Variants in CALD1 observed in about 807,000 individuals in gnomAD.
The protein encoded by CALD1 is caldesmon 1.
CALD1 carries 33 observed loss-of-function variants against 99.9 expected under a neutral mutation model. The observed-to-expected ratio is 0.33, with a 90% CI of 0.25 to 0.44. The LOEUF is 0.44. CALD1 is among the 20% of genes least tolerant of loss of function. The pLI, the probability that CALD1 is intolerant of heterozygous loss-of-function variation, is 1.00. For synonymous variants in CALD1, 310 were observed against 325.0 expected (o/e 0.95, Z 0.50); for missense variants, 861 against 962.1 (o/e 0.89, Z 1.39).
intron 14 of CALD1, among the ~76,000 whole-genome samples, chr7:134,968,135 A>C (rs771806282): frequency 1.2e-4 from 19 of 152,194 alleles, no homozygotes; most frequent in Non-Finnish European, 2.6e-4. Flanking sequence ...TGACAGAGCA[A>C]GATTCCATCT....
chr7:134,854,369 C>T (rs991739633), intron 2 of CALD1, among the ~76,000 whole-genome samples: 4 of 152,200 alleles, frequency 2.6e-5, no homozygotes, highest in African/African-American at 7.2e-5. Context: ...TCCTCACCAG[C>T]ATCTGTTGTT....
rs78476965 is a variant in CALD1, at chr7:134,867,726, A to G, written c.-8A>G. 672 of 1,599,178 alleles carry G rather than the reference A, an allele frequency of 4.2e-4. 5 individuals carry two copies. In the African/African-American group the frequency reaches 8.4e-3, roughly 20 times the overall value. On this transcript the variant is annotated 5_prime_UTR_variant, in exon 3 of 15. Coordinates refer to ENST00000361675, the MANE Select transcript of CALD1 (RefSeq NM_033138.4). ...ATCATCTGGTCTCCCTGAACCTGAA[A>G]TCACACCATGGATGATTTTGAGCGT...
chr7:134,839,890 C>T (rs1261358248), intron 1 of CALD1, among the ~76,000 whole-genome samples: 2 of 152,042 alleles, frequency 1.3e-5, no homozygotes, highest in East Asian at 3.9e-4. Context: ...TTTAAATATC[C>T]TCTTTTGTGA....
intron 1 of CALD1, among the ~76,000 whole-genome samples, chr7:134,793,421 TTATC>T (rs1797620132): frequency 6.6e-6 from 1 of 152,220 alleles, no homozygotes; most frequent in Non-Finnish European, 1.5e-5. Flanking sequence ...CCTCCTCACT[TTATC>T]TGTCTTTGCT....
At chr7:134,778,120 A>G (rs1293010322), upstream of CALD1, among the ~76,000 whole-genome samples, 1 of 152,156 alleles carries the variant, frequency 6.6e-6, no homozygotes, top group Non-Finnish European at 1.5e-5. Flanking sequence ...AGCCTCAGCT[A>G]TAGTTTTTTG....
At chr7:134,734,221 A>G in the CALD1 span, among the ~76,000 whole-genome samples, 2 of 152,188 alleles carry the variant, frequency 1.3e-5, no homozygotes, top group East Asian at 3.9e-4. Flanking sequence ...TCCTATAAAG[A>G]ATTATTTCTT....
intron 3 of CALD1, among the ~76,000 whole-genome samples, chr7:134,909,199 G>A (rs1198020468): frequency 6.6e-6 from 1 of 152,146 alleles, no homozygotes; most frequent in East Asian, 1.9e-4. Context: ...TGATATGATC[G>A]AGAAGTTTAA....
chr7:134,740,889 C>A (rs1254288419), upstream of CALD1, among the ~76,000 whole-genome samples: 2 of 152,224 alleles, frequency 1.3e-5, no homozygotes, highest in African/African-American at 2.4e-5. Flanking sequence ...TGGATTCTTA[C>A]CATGTGCAAG....
Position 134,873,222 on chromosome 7 carries a change from C to CA in CALD1, c.71+5427dup, listed in dbSNP as rs71531836. On this transcript the variant is annotated intron_variant, in intron 3 of 14. Coordinates refer to ENST00000361675, the MANE Select transcript of CALD1 (RefSeq NM_033138.4). ...AACAAAACAAAAAAAACCCAAAAAA[C>CA]AAAAAAAAACACTATATTCTGCTTC... Among the ~76,000 whole-genome samples the CA allele has an allele frequency of 2.6e-3, 394 of 150,792 alleles. 4 individuals are homozygous for CA. The highest frequency in any genetic ancestry group is 7.6e-3 in the African/African-American group (311 of 41,092).
At chr7:134,771,743 C>T (rs1429734089) in intron 1 of CALD1, among the ~76,000 whole-genome samples, 1 of 152,210 alleles carries the variant, frequency 6.6e-6, no homozygotes, top group African/African-American at 2.4e-5. Context: ...TCACTCCTCC[C>T]CAAGTCCCCC....
intron 3 of CALD1, among the ~76,000 whole-genome samples, chr7:134,899,598 C>A (rs1476613349): frequency 6.6e-6 from 1 of 152,050 alleles, no homozygotes; most frequent in Non-Finnish European, 1.5e-5. Flanking sequence ...TGCATTAGCT[C>A]CCTGTGTCTT....
chr7:134,822,912 C>G (rs1173558564), intron 1 of CALD1, among the ~76,000 whole-genome samples: 2 of 152,174 alleles, frequency 1.3e-5, no homozygotes, highest in African/African-American at 4.8e-5. Context: ...TTTATCCCTG[C>G]CTCTCCACTG....
intron 7 of CALD1, among the ~76,000 whole-genome samples, chr7:134,946,662 T>A: frequency 6.6e-6 from 1 of 151,874 alleles, no homozygotes; most frequent in South Asian, 2.1e-4. Context: ...GGTAACAAGA[T>A]CTCCTTCCTT....
intron 3 of CALD1, among the ~76,000 whole-genome samples, chr7:134,913,532 T>G (rs1205060479): frequency 6.6e-6 from 1 of 152,252 alleles, no homozygotes; most frequent in Non-Finnish European, 1.5e-5. Context: ...TACATGTAAT[T>G]TATAAATGAC....
chr7:134,887,379 G>C lies in CALD1; in HGVS notation c.71+19575G>C, dbSNP rs1003029005. Among the ~76,000 whole-genome samples the C allele has an allele frequency of 4.0e-4, 61 of 152,302 alleles. 1 individual carries two copies. Among genetic ancestry groups the C allele is most frequent in the Middle Eastern group, 6.8e-3 (2 of 294 alleles). On this transcript the variant is annotated intron_variant, in intron 3 of 14. Transcript: ENST00000361675. ...CTTTACCTACATTCCTGTTCACCTT[G>C]GGGTGGGGGAACAGCTGTCTAGGCA... is the stretch of plus-strand genomic sequence containing the variant.
chr7:134,787,231 A>G (rs1296402970), intron 1 of CALD1, among the ~76,000 whole-genome samples: 5 of 152,148 alleles, frequency 3.3e-5, no homozygotes, highest in Non-Finnish European at 5.9e-5. Context: ...TCAACCCTGT[A>G]AGGTCAAATT....
chr7:134,863,548 C>T (rs1800658111), intron 2 of CALD1, among the ~76,000 whole-genome samples: 1 of 152,224 alleles, frequency 6.6e-6, no homozygotes, highest in Non-Finnish European at 1.5e-5. Context: ...CACAGGTGAG[C>T]ATACCCACAC....
In CALD1 at chr7:134,959,895, T is replaced by C. The variant is rs1584681738; in HGVS notation, c.2062-79T>C. The C allele has an allele frequency of 5.5e-6, 8 of 1,454,712 alleles. 1 individual carries two copies. The East Asian group carries it at 1.1e-4, about 21-fold the overall frequency. 90.1% of individuals were successfully genotyped at this position (1,454,712 alleles called of 1,614,324 possible). A position where few individuals can be genotyped will look rare whatever the true frequency, so the allele number is the denominator to read the frequency against. ...ACAATGAATTTTTAAGATGATAATG[T>C]TGAGGAAGACAAACTCACTATAATT... On this transcript the variant is annotated intron_variant, in intron 11 of 14. Transcript: ENST00000361675.
Position 134,956,240 on chromosome 7 carries a change from C to CAA in CALD1, c.1936-1818_1936-1817dup, listed in dbSNP as rs879726741. Among the ~76,000 whole-genome samples, 495 of 139,498 alleles carry CAA rather than the reference C, an allele frequency of 3.5e-3. 6 individuals are homozygous for CAA. Among genetic ancestry groups the CAA allele is most frequent in the African/African-American group, 0.013 (481 of 38,348 alleles). The allele number at this position is 139,498 out of a possible 152,430, so 91.5% of individuals were successfully genotyped here. A position where few individuals can be genotyped will look rare whatever the true frequency, so the allele number is the denominator to read the frequency against. ...TGATATTAGAGAGGAAGCATGTTTT[C>CAA]AAAAAAAAAAAACTCTGTGGTATTT... is the stretch of plus-strand genomic sequence containing the variant. On this transcript the variant is annotated intron_variant, in intron 9 of 14. Coordinates refer to ENST00000361675, the MANE Select transcript of CALD1 (RefSeq NM_033138.4).
Sources: gnomAD v4.1 joint callset for allele counts (sites outside exome capture counted in the v4.1 genomes callset) on GRCh38, gnomAD v4.1.1 for gene constraint, MANE v1.5 for transcripts, NCBI Gene and HGNC (gene_info 2026-07-23, HGNC 2026-07-21) for gene names.